Variants in MTMR9 observed in about 807,000 individuals in gnomAD.
MTMR9 encodes the protein myotubularin-related protein 9.
Under a neutral mutation model 69.5 loss-of-function variants are expected in MTMR9, and 39 were observed. The ratio of observed to expected loss-of-function variants is 0.56; its 90% confidence interval spans 0.43 to 0.73. The LOEUF is 0.73. Among genes scored for constraint, MTMR9 ranks in the 30% least tolerant of loss-of-function variants. The pLI, the probability that MTMR9 is intolerant of heterozygous loss-of-function variation, is 0.00. For missense variants in MTMR9, 900 were observed against 671.2 expected, an observed-to-expected ratio of 1.34 and a Z score of -3.77; for synonymous variants, 354 against 240.8, an observed-to-expected ratio of 1.47 and a Z score of -4.35.
chr8:11,331,305 C>T (rs1431569238), downstream of MTMR9: 2 of 1,614,018 alleles, frequency 1.2e-6, no homozygotes, highest in Non-Finnish European at 1.7e-6. Flanking sequence ...GGGTTCCAAC[C>T]TGCCCTCGCT....
At chr8:11,312,373 CT>C (rs1800238864) in intron 6 of MTMR9, among the ~76,000 whole-genome samples, 1 of 151,794 alleles carries the variant, frequency 6.6e-6, no homozygotes, top group South Asian at 2.1e-4. Context: ...GAGATGGGGT[CT>C]TTCCCTCTGT....
intron 3 of MTMR9, among the ~76,000 whole-genome samples, chr8:11,301,770 GAAT>G (rs1445522708): frequency 6.6e-6 from 1 of 152,048 alleles, no homozygotes; most frequent in Non-Finnish European, 1.5e-5. Context: ...GAAGATAAAA[GAAT>G]AATCTAATGC....
At chr8:11,305,278 CTA>C (rs1321374752) in intron 4 of MTMR9, among the ~76,000 whole-genome samples, 2 of 152,156 alleles carry the variant, frequency 1.3e-5, no homozygotes, top group African/African-American at 4.8e-5. Flanking sequence ...ACAAAGGAAA[CTA>C]GTGTTTATTT....
At chr8:11,333,952 A>C in the MTMR9 span, among the ~76,000 whole-genome samples, 1 of 152,232 alleles carries the variant, frequency 6.6e-6, no homozygotes, top group African/African-American at 2.4e-5. Context: ...GATTAATGCC[A>C]TTATCATGGG....
intron 2 of MTMR9, among the ~76,000 whole-genome samples, chr8:11,296,521 G>A (rs1009356427): frequency 1.3e-5 from 2 of 152,148 alleles, no homozygotes; most frequent in Non-Finnish European, 2.9e-5. Context: ...GAAACTCTGT[G>A]TTAAACAACA....
rs994787774 is a variant in MTMR9, at chr8:11,309,619, C to G, written c.902C>G (p.Ala301Gly). 6.2e-7 allele frequency: 1 copy of G among 1,613,886 alleles called. No individual in the cohort carries two copies. Among genetic ancestry groups the G allele is most frequent in the Non-Finnish European group, 8.5e-7 (1 of 1,179,876 alleles). Reference sequence around the variant, plus strand: ...GACCGATGGCTCAGTAAATTGGAGGCCTCTAACTGGCTGACTCACATCAAA... The same window carrying G: ...GACCGATGGCTCAGTAAATTGGAGGGCTCTAACTGGCTGACTCACATCAAA... ...NMDRWLSKLE[A>G]SNWLTHIKEI... is the part of the protein sequence containing the mutation. The change falls in exon 6 of 10, where the codon GCC (alanine) becomes GGC (glycine). Residue 301 changes from alanine to glycine, a missense_variant. Physicochemically the swap from Ala to Gly is moderately conservative, Grantham distance 60. Transcript: ENST00000221086.
intron 2 of MTMR9, 133 bp downstream of exon 2, chr8:11,295,435 C>T: frequency 4.7e-6 from 3 of 643,680 alleles, no homozygotes; most frequent in Non-Finnish European, 8.2e-6. Context: ...GGAAAAGCCT[C>T]ACCCTGGTTC....
In MTMR9 at chr8:11,313,346, C is replaced by T. The variant is rs775405648; in HGVS notation, c.972-1577C>T. Among the ~76,000 whole-genome samples, 77 of 152,146 alleles carry T rather than the reference C, an allele frequency of 5.1e-4. 1 individual carries two copies. Among genetic ancestry groups the T allele is most frequent in the Non-Finnish European group, 6.3e-4 (43 of 68,034 alleles). ...GGTTTGATCTTCTATCCAGACCACTCGAACTTTGTCCATGTGAGCAGTAAG... is the reference window on the plus strand; with the variant it reads ...GGTTTGATCTTCTATCCAGACCACTTGAACTTTGTCCATGTGAGCAGTAAG... On this transcript the variant is annotated intron_variant, in intron 6 of 9. Coordinates refer to ENST00000221086, the MANE Select transcript of MTMR9 (RefSeq NM_015458.4).
chr8:11,298,849 G>A, intron 2 of MTMR9: 2 of 984,366 alleles, frequency 2.0e-6, no homozygotes, highest in South Asian at 4.7e-5. Context: ...TCCTATGTCT[G>A]TTTTCCAGGA....
Position 11,284,879 on chromosome 8 carries a change from G to A in MTMR9, c.-10G>A. ...CGGGCTCGGTTCCCTGGCTCCGGCC[G>A]CGGGGGAGCATGGAGTTTGCGGAGC... On this transcript the variant is annotated 5_prime_UTR_variant, in exon 1 of 10. Transcript: ENST00000221086. The A allele has an allele frequency of 1.3e-6, 2 of 1,491,690 alleles. No individual in the cohort carries two copies. Among genetic ancestry groups the A allele is most frequent in the Non-Finnish European group, 1.8e-6 (2 of 1,127,338 alleles). The allele number at this position is 1,491,690 out of a possible 1,614,324, so 92.4% of individuals were successfully genotyped here.
intron 2 of MTMR9, chr8:11,297,931 G>A (rs1799616710): frequency 6.6e-6 from 3 of 456,078 alleles, no homozygotes; most frequent in Non-Finnish European, 1.3e-5. Flanking sequence ...ACCCTTCCCC[G>A]AATACATCTG....
At chr8:11,291,310 G>A (rs1799373939) in intron 1 of MTMR9, among the ~76,000 whole-genome samples, 1 of 152,034 alleles carries the variant, frequency 6.6e-6, no homozygotes, top group Admixed American at 6.5e-5. Context: ...TGTACTAGGA[G>A]CTGAGGATAT....
intron 7 of MTMR9, 91 bp from the exon 8 acceptor site, chr8:11,316,582 G>A: frequency 1.4e-6 from 1 of 700,078 alleles, no homozygotes; most frequent in Non-Finnish European, 2.3e-6. Flanking sequence ...TACTAGGAGT[G>A]TCACTGTAAT....
intron 6 of MTMR9, among the ~76,000 whole-genome samples, chr8:11,309,934 T>C: frequency 6.6e-6 from 1 of 152,130 alleles, no homozygotes; most frequent in South Asian, 2.1e-4. Flanking sequence ...TAAGTACTAA[T>C]GGACCCGTTT....
At position 11,303,375 on chromosome 8, in the gene MTMR9, A is replaced by G. The variant is rs192247257; in HGVS notation, c.418-1466A>G. 4.3e-4 allele frequency among the ~76,000 whole-genome samples: 65 copies of G among 151,990 alleles called. No individual in the cohort carries two copies. In the East Asian group the frequency reaches 7.0e-3, roughly 16 times the overall value. On this transcript the variant is annotated intron_variant, in intron 3 of 9. Coordinates refer to ENST00000221086, the MANE Select transcript of MTMR9 (RefSeq NM_015458.4). The stretch of plus-strand genomic sequence containing the variant: ...TGAAAGTTCAAGAAATAACAGTATT[A>G]TCATGTTGTTTAGAAATGTAAAGGT...
intron 8 of MTMR9, chr8:11,318,448 A>C (rs543651622): frequency 6.6e-6 from 1 of 152,332 alleles, no homozygotes; most frequent in East Asian, 1.9e-4. Context: ...TTGCTAGCTC[A>C]AAAAGAATGC....
At chr8:11,337,077 C>G in the MTMR9 span, among the ~76,000 whole-genome samples, 1 of 152,152 alleles carries the variant, frequency 6.6e-6, no homozygotes, top group Admixed American at 6.5e-5. Flanking sequence ...CTGTTATCTA[C>G]TGGGACTTGT....
rs777231228 is a variant in MTMR9, at chr8:11,319,667, C to G, written c.1335-20C>G. 6.2e-7 allele frequency: 1 copy of G among 1,611,718 alleles called. No individual in the cohort carries two copies. The highest frequency in any genetic ancestry group is 8.5e-7 in the Non-Finnish European group (1 of 1,179,236). On this transcript the variant is annotated intron_variant, in intron 8 of 9. Coordinates refer to ENST00000221086, the MANE Select transcript of MTMR9 (RefSeq NM_015458.4). ...TGTTATAAATTAATTACTTTAATGG[C>G]AGTGTTCTTTCTTGATCAGATGTAA...
chr8:11,309,404 A>G (rs562474348), intron 5 of MTMR9, 123 bp from the exon 6 acceptor site: 129 of 771,488 alleles, frequency 1.7e-4, no homozygotes, highest in Non-Finnish European at 2.4e-4. Flanking sequence ...AGCAGGGTAA[A>G]TATTTTTATA....
Sources: allele counts gnomAD v4.1 joint callset (sites outside exome capture counted in the v4.1 genomes callset), GRCh38; gene constraint gnomAD v4.1.1; transcripts MANE v1.5; gene names NCBI Gene and HGNC (gene_info 2026-07-23, HGNC 2026-07-21).